The following PTPN21 variants were observed in gnomAD, a reference collection of about 807,000 sequenced individuals.
PTPN21 encodes the protein protein tyrosine phosphatase non-receptor type 21.
In PTPN21, 77 loss-of-function variants were observed where a neutral mutation model predicts 131.8. The ratio of observed to expected loss-of-function variants is 0.58; its 90% CI spans 0.49 to 0.71. The LOEUF is 0.71. PTPN21 is among the 30% of genes least tolerant of loss of function. PTPN21 has a pLI of 0.00. For missense variants in PTPN21, 1,552 were observed against 1,527.1 expected (o/e 1.02, Z -0.27); for synonymous variants, 715 against 621.3 (o/e 1.15, Z -2.24).
At chr14:88,492,974 A>G (rs1051957373) in intron 10 of PTPN21, 2 of 409,176 alleles carry the variant, frequency 4.9e-6, no homozygotes, top group South Asian at 1.8e-5. Context: ...CTGTCAGTTG[A>G]TATCTGTCAA....
chr14:88,518,917 T>G (rs1406846089), intron 2 of PTPN21, among the ~76,000 whole-genome samples: 2 of 152,012 alleles, frequency 1.3e-5, no homozygotes, highest in African/African-American at 4.8e-5. Flanking sequence ...TCCCCAAAAT[T>G]TCATTACATG....
chr14:88,521,752 T>C (rs183195801), intron 2 of PTPN21, among the ~76,000 whole-genome samples: 373 of 152,154 alleles, frequency 2.5e-3, no homozygotes, highest in Non-Finnish European at 4.3e-3. Flanking sequence ...GTCTTAAAAA[T>C]ACCCTTTGAA....
chr14:88,535,521 T>C (rs1267568164), intron 2 of PTPN21, among the ~76,000 whole-genome samples: 1 of 152,202 alleles, frequency 6.6e-6, no homozygotes, highest in Non-Finnish European at 1.5e-5. Flanking sequence ...GAATTTAACA[T>C]GTACTCTTCC....
intron 9 of PTPN21, 129 bp downstream of exon 9, chr14:88,497,074 T>C (rs1181179328): frequency 2.4e-6 from 2 of 838,874 alleles, no homozygotes; most frequent in African/African-American, 1.7e-5. Context: ...TAAAACTGCA[T>C]GTTTTATACA....
At chr14:88,486,932 C>T (rs150145065) in intron 10 of PTPN21, among the ~76,000 whole-genome samples, 71 of 148,820 alleles carry the variant, frequency 4.8e-4, no homozygotes, top group Non-Finnish European at 3.4e-4. Flanking sequence ...GCCGAGATTG[C>T]GCCATTGCAC....
intron 2 of PTPN21, among the ~76,000 whole-genome samples, chr14:88,540,182 T>C (rs560645753): frequency 6.6e-5 from 10 of 152,112 alleles, no homozygotes; most frequent in Non-Finnish European, 5.9e-5. Context: ...CAAATTTACA[T>C]GATGAAACAG....
At chr14:88,506,611 A>G (rs767163927) in intron 4 of PTPN21, among the ~76,000 whole-genome samples, 5 of 152,112 alleles carry the variant, frequency 3.3e-5, no homozygotes, top group Non-Finnish European at 7.3e-5. Context: ...TTATTACTGC[A>G]TAATTCAGGA....
At position 88,474,733 on chromosome 14, in the gene PTPN21, A is replaced by G. The variant is rs140489899; in HGVS notation, c.2512-931T>C. 7.7e-3 allele frequency among the ~76,000 whole-genome samples: 1,171 copies of G among 152,314 alleles called. 16 individuals are homozygous for G. The highest frequency in any genetic ancestry group is 8.0e-3 in the Non-Finnish European group (542 of 68,026). On this transcript the variant is annotated intron_variant, in intron 13 of 18. Coordinates refer to ENST00000556564, the MANE Select transcript of PTPN21 (RefSeq NM_007039.4). ...GGATAGGACAGAAGAGAAAGCATCAACAAAATCTTGTCTCCTGAAATCAAG... is the reference window on the plus strand; with the variant it reads ...GGATAGGACAGAAGAGAAAGCATCAGCAAAATCTTGTCTCCTGAAATCAAG...
chr14:88,545,700 C>T (rs1300894487), intron 2 of PTPN21, among the ~76,000 whole-genome samples: 7 of 152,182 alleles, frequency 4.6e-5, no homozygotes, highest in African/African-American at 7.2e-5. Context: ...CTTTGGCTCA[C>T]GCCTGTAATC....
chr14:88,518,802 C>CT (rs2078344560), intron 2 of PTPN21, among the ~76,000 whole-genome samples: 1 of 151,940 alleles, frequency 6.6e-6, no homozygotes, highest in Non-Finnish European at 1.5e-5. Flanking sequence ...CAGTGTTAAA[C>CT]CAACTTTTCA....
At chr14:88,482,440 C>T (rs759286627) in intron 12 of PTPN21, among the ~76,000 whole-genome samples, 1 of 152,070 alleles carries the variant, frequency 6.6e-6, no homozygotes, top group African/African-American at 2.4e-5. Flanking sequence ...GCCTGACCAA[C>T]ACGGAGAGAC....
chr14:88,509,306 G>A (rs1041591477), intron 3 of PTPN21, among the ~76,000 whole-genome samples: 5 of 152,140 alleles, frequency 3.3e-5, no homozygotes, highest in African/African-American at 1.2e-4. Context: ...GGAGCCATCT[G>A]GAATCCAAAC....
chr14:88,497,415 C>A, intron 8 of PTPN21, 125 bp from the exon 9 acceptor site: 8 of 708,954 alleles, frequency 1.1e-5, no homozygotes, highest in Admixed American at 2.8e-5. Flanking sequence ...TTGAGAAAAA[C>A]AAAAAACAAA....
intron 12 of PTPN21, among the ~76,000 whole-genome samples, chr14:88,483,616 G>A (rs2077685864): frequency 6.6e-6 from 1 of 152,114 alleles, no homozygotes; most frequent in East Asian, 1.9e-4. Flanking sequence ...AGGAAACCTG[G>A]ACCACTCTAC....
intron 2 of PTPN21, chr14:88,547,547 G>A (rs960779722): frequency 5.2e-6 from 2 of 387,186 alleles, no homozygotes; most frequent in Non-Finnish European, 5.1e-6. Context: ...CCAGCTCTTG[G>A]CAGGCTAAGG....
chr14:88,485,214 G>T, intron 11 of PTPN21, 54 bp from the exon 12 acceptor site: 1 of 1,122,336 alleles, frequency 8.9e-7, no homozygotes, highest in Non-Finnish European at 1.2e-6. Context: ...ATGTAATACA[G>T]GTAAAGTTAT....
At chr14:88,487,373 A>C (rs2077753901) in intron 10 of PTPN21, among the ~76,000 whole-genome samples, 1 of 152,216 alleles carries the variant, frequency 6.6e-6, no homozygotes, top group Non-Finnish European at 1.5e-5. Flanking sequence ...AGGACTAATT[A>C]CTAGAAAATC....
Position 88,469,832 on chromosome 14 carries a change from C to G in PTPN21, c.3000+90G>C. The G allele has an allele frequency of 6.2e-7, 1 of 1,602,404 alleles. No individual in the cohort carries two copies. The highest frequency in any genetic ancestry group is 8.5e-7 in the Non-Finnish European group (1 of 1,169,602). ...GAAACAGAACCACAACCCTACCCTG[C>G]CTTTTTCTCCACAGGTCAGGATTCC... On this transcript the variant is annotated intron_variant, in intron 16 of 18. Transcript: ENST00000556564. The surrounding 1 kb of genome is among the most constrained non-coding windows in gnomAD (Gnocchi z 4.3).
chr14:88,514,524 G>A (rs1371568031), intron 3 of PTPN21, among the ~76,000 whole-genome samples: 1 of 151,440 alleles, frequency 6.6e-6, no homozygotes, highest in Non-Finnish European at 1.5e-5. Flanking sequence ...GAGTGCAGCG[G>A]TGCCATCTCG....
Sources: gnomAD v4.1 joint callset for allele counts (sites outside exome capture counted in the v4.1 genomes callset) on GRCh38, gnomAD v4.1.1 for gene constraint, Gnocchi (gnomAD v3.1) non-coding constraint, MANE v1.5 for transcripts, NCBI Gene and HGNC (gene_info 2026-07-23, HGNC 2026-07-21) for gene names.